The following SUV39H2 variants were observed in gnomAD, a reference collection of about 807,000 sequenced individuals.
The protein encoded by SUV39H2 is histone-lysine N-methyltransferase SUV39H2.
Under a neutral mutation model 47.5 loss-of-function variants are expected in SUV39H2, and 10 were observed. That is an observed-to-expected ratio of 0.21 (90% CI 0.13 to 0.36). The LOEUF is 0.36. Among genes scored for constraint, SUV39H2 ranks in the 10% least tolerant of loss-of-function variants. SUV39H2 has a pLI of 1.00. For missense variants in SUV39H2, 266 were observed against 487.4 expected, an observed-to-expected ratio of 0.55 and a Z score of 4.28; for synonymous variants, 159 against 166.8, an observed-to-expected ratio of 0.95 and a Z score of 0.36.
chr10:14,886,959 G>A (rs1462770015), intron 2 of SUV39H2, among the ~76,000 whole-genome samples: 1 of 152,168 alleles, frequency 6.6e-6, no homozygotes, highest in African/African-American at 2.4e-5. Flanking sequence ...AGAATGAGGT[G>A]GTCGGAGATG....
At chr10:14,900,627 C>A (rs142596683) in intron 4 of SUV39H2, among the ~76,000 whole-genome samples, 45 of 152,174 alleles carry the variant, frequency 3.0e-4, no homozygotes, top group Admixed American at 1.9e-3. Flanking sequence ...TTGCATATTC[C>A]GTAAGTTTAC....
intron 2 of SUV39H2, among the ~76,000 whole-genome samples, chr10:14,895,382 G>T (rs1401956204): frequency 6.6e-6 from 1 of 151,978 alleles, no homozygotes; most frequent in Non-Finnish European, 1.5e-5. Context: ...CGCCATATTG[G>T]CCAGGCTGGT....
At chr10:14,882,864 G>GTTT (rs869065558) in intron 2 of SUV39H2, among the ~76,000 whole-genome samples, 2 of 137,078 alleles carry the variant, frequency 1.5e-5, no homozygotes, top group Non-Finnish European at 1.6e-5. Flanking sequence ...CCCTATAGGA[G>GTTT]TTTTTTTTTT....
At chr10:14,900,194 TAA>T (rs1444559430) in intron 4 of SUV39H2, among the ~76,000 whole-genome samples, 2 of 152,232 alleles carry the variant, frequency 1.3e-5, no homozygotes, top group African/African-American at 4.8e-5. Flanking sequence ...CCTTACCTTT[TAA>T]TGTCTGAAAG....
At chr10:14,896,240 G>T (rs981131811) in intron 2 of SUV39H2, among the ~76,000 whole-genome samples, 1 of 152,270 alleles carries the variant, frequency 6.6e-6, no homozygotes, top group South Asian at 2.1e-4. Flanking sequence ...ACCGTGCCCA[G>T]CCTCAGTGTG....
At chr10:14,898,085 T>C (rs1021893193) in intron 3 of SUV39H2, 1 of 147,016 alleles carries the variant, frequency 6.8e-6, no homozygotes, top group Non-Finnish European at 1.5e-5. Context: ...ACAAATCATA[T>C]ATATGTATAT....
intron 3 of SUV39H2, 92 bp from the exon 4 acceptor site, chr10:14,899,447 T>G: frequency 7.4e-7 from 1 of 1,349,302 alleles, no homozygotes; most frequent in Non-Finnish European, 1.0e-6. Context: ...ACTTTTTAAA[T>G]ATTTGTAGGT....
intron 4 of SUV39H2, among the ~76,000 whole-genome samples, chr10:14,900,890 G>A (rs1040290115): frequency 6.6e-6 from 1 of 152,130 alleles, no homozygotes; most frequent in Non-Finnish European, 1.5e-5. Flanking sequence ...GTTACTAATT[G>A]TTGAAGCTGT....
intron 2 of SUV39H2, among the ~76,000 whole-genome samples, chr10:14,887,752 TG>T (rs1564336337): frequency 1.3e-5 from 2 of 152,174 alleles, no homozygotes; most frequent in African/African-American, 4.8e-5. Context: ...TATCGTTCAG[TG>T]AGGGTAGAAA....
Position 14,893,254 on chromosome 10 carries a change from C to T in SUV39H2, c.178-3592C>T, listed in dbSNP as rs568547503. Among the ~76,000 whole-genome samples, 12 of 152,020 alleles carry T rather than the reference C, an allele frequency of 7.9e-5. No homozygotes were observed. The South Asian group carries it at 1.2e-3, about 16-fold the overall frequency. On this transcript the variant is annotated intron_variant, in intron 2 of 5. Transcript: ENST00000354919. ...TCCTGACCTCGTGATCCGCCCGCCTCGGCCTCCCAAAGTGCTGGGATTACA... is the reference window on the plus strand; with the variant it reads ...TCCTGACCTCGTGATCCGCCCGCCTTGGCCTCCCAAAGTGCTGGGATTACA...
At chr10:14,883,704 CAAAAAAAAAA>C (rs58522342) in intron 2 of SUV39H2, among the ~76,000 whole-genome samples, 46 of 50,054 alleles carry the variant, frequency 9.2e-4, no homozygotes, top group African/African-American at 1.6e-3. Flanking sequence ...GACTCAGTCT[CAAAAAAAAAA>C]AAAAAAAAAA....
At chr10:14,892,229 T>G (rs1833411674) in intron 2 of SUV39H2, among the ~76,000 whole-genome samples, 1 of 152,144 alleles carries the variant, frequency 6.6e-6, no homozygotes, top group South Asian at 2.1e-4. Flanking sequence ...ATTAATAGAT[T>G]TGTAAAATTG....
intron 1 of SUV39H2, 69 bp downstream of exon 1, chr10:14,878,988 G>A (rs576575110): frequency 1.5e-6 from 2 of 1,340,814 alleles, no homozygotes; most frequent in South Asian, 2.0e-5. Context: ...GGGCGGCGGG[G>A]CCGTCCCGCG....
intron 2 of SUV39H2, among the ~76,000 whole-genome samples, chr10:14,890,402 A>G (rs966097694): frequency 6.6e-6 from 1 of 152,124 alleles, no homozygotes; most frequent in Non-Finnish European, 1.5e-5. Flanking sequence ...AATTCCAGTT[A>G]TTTATTTAGA....
intron 2 of SUV39H2, among the ~76,000 whole-genome samples, chr10:14,888,639 A>G (rs932646984): frequency 4.6e-5 from 7 of 152,018 alleles, no homozygotes; most frequent in Admixed American, 3.3e-4. Context: ...GGTCTCAAAA[A>G]AAAAAAGAAA....
Position 14,888,816 on chromosome 10 carries a change from T to C in SUV39H2, c.177+7171T>C, listed in dbSNP as rs557550784. Among the ~76,000 whole-genome samples, 5 of 150,872 alleles carry C rather than the reference T, an allele frequency of 3.3e-5. No homozygotes were observed. The South Asian group carries it at 6.3e-4, about 19-fold the overall frequency. On this transcript the variant is annotated intron_variant, in intron 2 of 5. Coordinates refer to ENST00000354919, the MANE Select transcript of SUV39H2 (RefSeq NM_001193424.2). ...AGAGCCAAAGGAATGAATTAAAGAA[T>C]GAACCAGGCCGGGTGCAGTGGCTCA...
At chr10:14,881,832 G>A (rs1181560033) in intron 2 of SUV39H2, among the ~76,000 whole-genome samples, 187 bp downstream of exon 2, 1 of 152,204 alleles carries the variant, frequency 6.6e-6, no homozygotes, top group Non-Finnish European at 1.5e-5. Context: ...AGCATAAAGT[G>A]TTCTTGCATT....
chr10:14,899,498 T>C, intron 3 of SUV39H2, 41 bp from the exon 4 acceptor site: 1 of 1,604,434 alleles, frequency 6.2e-7, no homozygotes, highest in Non-Finnish European at 8.5e-7. Flanking sequence ...GCTTCTTTGG[T>C]TCAGTAGCTA....
chr10:14,902,736 A>G lies in SUV39H2; in HGVS notation c.*224A>G. ...ACATATTTATAGTGCTTAGAGACCA[A>G]ACTAATGGAAGGCAGACTATTTACA... On this transcript the variant is annotated 3_prime_UTR_variant, in exon 6 of 6. Transcript: ENST00000354919. 1 of 336,620 alleles carries G rather than the reference A, an allele frequency of 3.0e-6. No homozygotes were observed. The highest frequency in any genetic ancestry group is 5.5e-6 in the Non-Finnish European group (1 of 181,914). 20.9% of individuals were successfully genotyped at this position (336,620 alleles called of 1,614,324 possible).
Sources: allele counts gnomAD v4.1 joint callset (sites outside exome capture counted in the v4.1 genomes callset), GRCh38; gene constraint gnomAD v4.1.1; transcripts MANE v1.5; gene names NCBI Gene and HGNC (gene_info 2026-07-23, HGNC 2026-07-21).